MYO16: variants seen among roughly 807,000 people sequenced by gnomAD.
MYO16 encodes unconventional myosin-XVI.
MYO16 carries 94 observed loss-of-function variants against 205.3 expected under a neutral mutation model. The observed-to-expected ratio is 0.46, with a 90% CI of 0.39 to 0.54. The LOEUF (loss-of-function observed/expected upper bound fraction) is 0.54. Ranked by LOEUF, MYO16 falls within the 20% of genes least tolerant of loss-of-function variation. The pLI, the probability that MYO16 is intolerant of heterozygous loss-of-function variation, is 0.00. For synonymous variants in MYO16, 988 were observed against 954.0 expected, an observed-to-expected ratio of 1.04 and a Z score of -0.66; for missense variants, 2,315 against 2,387.5, an observed-to-expected ratio of 0.97 and a Z score of 0.63.
At chr13:108,984,857 C>T (rs956294089) in intron 20 of MYO16, among the ~76,000 whole-genome samples, 3 of 152,176 alleles carry the variant, frequency 2.0e-5, no homozygotes, top group Non-Finnish European at 4.4e-5. Context: ...GGCATGAGAT[C>T]TCTTAAAGAT....
At position 109,160,027 on chromosome 13, in the gene MYO16, T is replaced by C. The variant is rs142765922; in HGVS notation, c.5165-4874T>C. Among the ~76,000 whole-genome samples, 189 of 152,324 alleles carry C rather than the reference T, an allele frequency of 1.2e-3. 1 individual carries two copies. The highest frequency in any genetic ancestry group is 4.4e-3 in the African/African-American group (183 of 41,574). ...TTTCTCGGCCTCAGTACAATGGACATTCTGAGCTGGATACTATAATTCTAG... is the reference window on the plus strand; with the variant it reads ...TTTCTCGGCCTCAGTACAATGGACACTCTGAGCTGGATACTATAATTCTAG... On this transcript the variant is annotated intron_variant, in intron 32 of 34. Coordinates refer to ENST00000457511, the MANE Select transcript of MYO16 (RefSeq NM_001198950.3).
intron 9 of MYO16, among the ~76,000 whole-genome samples, chr13:108,844,049 T>G (rs1414782765): frequency 1.3e-5 from 2 of 152,166 alleles, no homozygotes; most frequent in African/African-American, 4.8e-5. Flanking sequence ...CAATCCCAGC[T>G]CTTAAGTTGT....
chr13:109,113,031 A>T (rs1875474941), intron 28 of MYO16, among the ~76,000 whole-genome samples: 2 of 152,240 alleles, frequency 1.3e-5, no homozygotes, highest in African/African-American at 4.8e-5. Context: ...AAGGTACACT[A>T]GTGACATGGA....
intron 7 of MYO16, among the ~76,000 whole-genome samples, chr13:108,810,591 G>A (rs1202210623): frequency 6.6e-6 from 1 of 152,134 alleles, no homozygotes; most frequent in Non-Finnish European, 1.5e-5. Context: ...ATGTCATTTA[G>A]TATGCACTTC....
intron 14 of MYO16, among the ~76,000 whole-genome samples, chr13:108,895,473 C>G (rs2139197265): frequency 1.3e-5 from 2 of 152,298 alleles, no homozygotes; most frequent in Middle Eastern, 3.4e-3. Context: ...GCATTTTAAT[C>G]TTGACTCATG....
intron 11 of MYO16, among the ~76,000 whole-genome samples, chr13:108,863,183 T>C (rs990313817): frequency 1.3e-5 from 2 of 152,136 alleles, no homozygotes; most frequent in Non-Finnish European, 2.9e-5. Flanking sequence ...TTTGAAAAAG[T>C]CATACCTTTT....
chr13:108,549,609 TA>T, the MYO16 span, among the ~76,000 whole-genome samples: 2 of 152,106 alleles, frequency 1.3e-5, no homozygotes, highest in South Asian at 2.1e-4. Context: ...GAATGAAGCT[TA>T]TTAGATTTTA....
chr13:108,968,480 G>A (rs1403415041), intron 20 of MYO16, among the ~76,000 whole-genome samples: 1 of 152,000 alleles, frequency 6.6e-6, no homozygotes, highest in African/African-American at 2.4e-5. Context: ...CAAAAAATTA[G>A]CCAGGCGTGG....
Position 108,709,508 on chromosome 13 carries a change from G to C in MYO16, c.293-3153G>C, listed in dbSNP as rs769845151. Among the ~76,000 whole-genome samples the C allele has an allele frequency of 1.0e-4, 10 of 100,500 alleles. 2 individuals carry two copies. The highest frequency in any genetic ancestry group is 2.2e-4 in the Non-Finnish European group (10 of 45,908). 65.9% of individuals were successfully genotyped at this position (100,500 alleles called of 152,430 possible). A position where few individuals can be genotyped will look rare whatever the true frequency, so the allele number is the denominator to read the frequency against. ...AGCCTCAGCTTCCTTATTAGTAAAA[G>C]AAAGAGTGACGATTATAGTGTCTGT... On this transcript the variant is annotated intron_variant, in intron 2 of 34. Coordinates refer to ENST00000457511, the MANE Select transcript of MYO16 (RefSeq NM_001198950.3).
intron 28 of MYO16, among the ~76,000 whole-genome samples, chr13:109,113,342 AGAAGGAAG>A (rs111306174): frequency 6.6e-6 from 1 of 150,488 alleles, no homozygotes; most frequent in African/African-American, 2.4e-5. Flanking sequence ...AGGAAGGAAA[AGAAGGAAG>A]GAAGAGAGGG....
intron 7 of MYO16, among the ~76,000 whole-genome samples, chr13:108,813,904 CTTAA>C (rs1360182881): frequency 6.6e-6 from 1 of 152,106 alleles, no homozygotes; most frequent in Non-Finnish European, 1.5e-5. Flanking sequence ...CCCTGGCCTG[CTTAA>C]TTCAGTTTTG....
chr13:108,641,233 A>T (rs891627576), intron 1 of MYO16, among the ~76,000 whole-genome samples: 1 of 152,214 alleles, frequency 6.6e-6, no homozygotes, highest in Non-Finnish European at 1.5e-5. Context: ...TAACTACTCT[A>T]CCATTTTGGT....
intron 32 of MYO16, among the ~76,000 whole-genome samples, chr13:109,152,113 A>T (rs1877704198): frequency 2.0e-5 from 3 of 152,178 alleles, no homozygotes; most frequent in Admixed American, 1.3e-4. Context: ...CATTTTTAAA[A>T]TTTTTTATGA....
At chr13:108,785,097 G>A (rs774064046) in intron 4 of MYO16, among the ~76,000 whole-genome samples, 1 of 152,248 alleles carries the variant, frequency 6.6e-6, no homozygotes, top group South Asian at 2.1e-4. Context: ...ATAGTTGCTG[G>A]AAAGAGAAAA....
chr13:108,814,462 A>G (rs1363990356), intron 7 of MYO16, among the ~76,000 whole-genome samples: 1 of 151,034 alleles, frequency 6.6e-6, no homozygotes, highest in Non-Finnish European at 1.5e-5. Context: ...TTCATTTCTG[A>G]CATATGATAT....
At chr13:109,102,040 A>T (rs1888984047) in intron 28 of MYO16, 1 of 152,180 alleles carries the variant, frequency 6.6e-6, no homozygotes, top group Non-Finnish European at 1.5e-5. Flanking sequence ...ATTGATGAGT[A>T]ATGATTTAAT....
intron 16 of MYO16, 22 bp downstream of exon 16, chr13:108,910,172 A>G: frequency 6.2e-7 from 1 of 1,600,326 alleles, no homozygotes; most frequent in African/African-American, 1.3e-5. Flanking sequence ...AGTATTTTGT[A>G]TCTAAAAGCT....
intron 4 of MYO16, among the ~76,000 whole-genome samples, chr13:108,754,694 G>A (rs150678042): frequency 1.3e-5 from 2 of 152,236 alleles, no homozygotes; most frequent in African/African-American, 4.8e-5. Flanking sequence ...TGTGGCTTTG[G>A]TAAATTATGT....
chr13:108,794,771 T>C (rs530692405), intron 6 of MYO16, among the ~76,000 whole-genome samples: 20 of 151,972 alleles, frequency 1.3e-4, no homozygotes, highest in Non-Finnish European at 2.4e-4. Context: ...GGGAAAAAAA[T>C]TTGAGAGAAA....
Sources: gnomAD v4.1 joint callset for allele counts (sites outside exome capture counted in the v4.1 genomes callset) on GRCh38, gnomAD v4.1.1 for gene constraint, MANE v1.5 for transcripts, NCBI Gene and HGNC (gene_info 2026-07-23, HGNC 2026-07-21) for gene names.